PCDH15: variants seen among roughly 807,000 people sequenced by gnomAD.
PCDH15 encodes the protein protocadherin-15.
A neutral mutation model predicts 178.5 loss-of-function variants in PCDH15; 129 were observed. The ratio of observed to expected loss-of-function variants is 0.72; its 90% CI spans 0.63 to 0.84. PCDH15 has a LOEUF of 0.84. PCDH15 is among the 40% of genes least tolerant of loss of function. The pLI is 0.00. For synonymous variants in PCDH15, 800 were observed against 732.0 expected, an observed-to-expected ratio of 1.09 and a Z score of -1.50; for missense variants, 2,230 against 2,099.9, an observed-to-expected ratio of 1.06 and a Z score of -1.21.
intron 1 of PCDH15, among the ~76,000 whole-genome samples, chr10:54,793,976 T>C (rs1018364776): frequency 4.7e-5 from 7 of 148,636 alleles, no homozygotes; most frequent in Admixed American, 4.0e-4. Context: ...TTCTTTTTTT[T>C]TTCATTATAC....
At chr10:54,748,462 A>C (rs989806509) in intron 1 of PCDH15, among the ~76,000 whole-genome samples, 4 of 152,128 alleles carry the variant, frequency 2.6e-5, no homozygotes, top group African/African-American at 9.7e-5. Context: ...TTTAACAAGA[A>C]TCTGTTAAAA....
intron 1 of PCDH15, among the ~76,000 whole-genome samples, chr10:54,762,432 A>G (rs1403318584): frequency 2.6e-5 from 4 of 152,132 alleles, no homozygotes; most frequent in Non-Finnish European, 5.9e-5. Flanking sequence ...TGAAGAAAAT[A>G]AAGTGTTCTT....
At chr10:54,898,247 C>T (rs936476341) in intron 2 of PCDH15, among the ~76,000 whole-genome samples, 2 of 152,108 alleles carry the variant, frequency 1.3e-5, no homozygotes, top group African/African-American at 2.4e-5. Context: ...AATGCAAGAA[C>T]AACCTAACAC....
chr10:55,591,553 T>C (rs781258468), intron 2 of PCDH15, among the ~76,000 whole-genome samples: 8 of 152,136 alleles, frequency 5.3e-5, no homozygotes, highest in Non-Finnish European at 7.4e-5. Flanking sequence ...GGGTCAATAA[T>C]TAAACATAAT....
chr10:55,338,209 T>A (rs1004870359), intron 2 of PCDH15, among the ~76,000 whole-genome samples: 1 of 152,118 alleles, frequency 6.6e-6, no homozygotes, highest in Non-Finnish European at 1.5e-5. Flanking sequence ...TTGGTGGGAA[T>A]GTAAGTTAGT....
At chr10:55,478,294 T>C (rs1449295414) in intron 2 of PCDH15, among the ~76,000 whole-genome samples, 2 of 151,460 alleles carry the variant, frequency 1.3e-5, no homozygotes, top group Non-Finnish European at 3.0e-5. Context: ...AATATAGAAT[T>C]TAAAATGGAC....
intron 2 of PCDH15, among the ~76,000 whole-genome samples, chr10:54,653,899 C>G (rs555857279): frequency 6.6e-6 from 1 of 152,162 alleles, no homozygotes; most frequent in African/African-American, 2.4e-5. Flanking sequence ...TTTTGGGGTA[C>G]AATGTGATGT....
chr10:55,005,721 G>A (rs928252744), intron 2 of PCDH15, among the ~76,000 whole-genome samples: 2 of 151,396 alleles, frequency 1.3e-5, no homozygotes, highest in African/African-American at 4.9e-5. Context: ...ATTTTCTAAT[G>A]AACAATTATA....
At chr10:55,481,643 T>G (rs1441160578) in intron 2 of PCDH15, among the ~76,000 whole-genome samples, 2 of 151,912 alleles carry the variant, frequency 1.3e-5, no homozygotes, top group Non-Finnish European at 2.9e-5. Context: ...ATTGTATAGT[T>G]TTGAGTAAAT....
intron 15 of PCDH15, among the ~76,000 whole-genome samples, chr10:54,132,444 A>T (rs2042514537): frequency 6.6e-6 from 1 of 152,208 alleles, no homozygotes; most frequent in Non-Finnish European, 1.5e-5. Flanking sequence ...TCTCAGAATT[A>T]GAATGCCTAC....
At chr10:55,427,829 C>A (rs1228884682) in intron 2 of PCDH15, among the ~76,000 whole-genome samples, 1 of 151,976 alleles carries the variant, frequency 6.6e-6, no homozygotes, top group Non-Finnish European at 1.5e-5. Context: ...ATATCCATTT[C>A]ACAGTTTTAT....
At chr10:55,063,368 T>C (rs1227391557) in intron 2 of PCDH15, among the ~76,000 whole-genome samples, 2 of 152,128 alleles carry the variant, frequency 1.3e-5, no homozygotes, top group African/African-American at 4.8e-5. Flanking sequence ...CTCTATTTTT[T>C]CCTCTCACAT....
chr10:54,019,440 C>T (rs2092843092), intron 20 of PCDH15, among the ~76,000 whole-genome samples: 1 of 152,038 alleles, frequency 6.6e-6, no homozygotes, highest in African/African-American at 2.4e-5. Flanking sequence ...TGATGGTCCC[C>T]ATGGGACAGG....
chr10:54,846,807 T>C (rs2131759419), intron 3 of PCDH15, among the ~76,000 whole-genome samples: 1 of 152,234 alleles, frequency 6.6e-6, no homozygotes, highest in Admixed American at 6.5e-5. Flanking sequence ...TGTGAATTCA[T>C]TGCTGCCCAA....
rs1275775576 is a variant in PCDH15 at position 54,118,443 on chromosome 10, G to C, written c.1917+14432C>G. The stretch of plus-strand genomic sequence containing the variant: ...TGAGAGGCCAAGGAGGGCGGATCAC[G>C]AGGTCAGGAGATGGAGACCGTCCTG... On this transcript the variant is annotated intron_variant, in intron 15 of 37. Transcript: ENST00000644397. Among the ~76,000 whole-genome samples, 4 of 152,094 alleles carry C rather than the reference G, an allele frequency of 2.6e-5. No homozygotes were observed. In the South Asian group the frequency reaches 8.3e-4, roughly 32 times the overall value.
intron 3 of PCDH15, among the ~76,000 whole-genome samples, chr10:54,524,669 A>G (rs1362138156): frequency 1.3e-5 from 2 of 152,228 alleles, no homozygotes; most frequent in African/African-American, 4.8e-5. Flanking sequence ...TTAATTAAAC[A>G]TAGATAATGT....
intron 25 of PCDH15, among the ~76,000 whole-genome samples, chr10:53,911,634 C>A (rs1473835373): frequency 6.6e-6 from 1 of 152,076 alleles, no homozygotes; most frequent in East Asian, 1.9e-4. Flanking sequence ...CACAAAGAAC[C>A]CTTCAAAAAA....
chr10:54,437,280 T>C (rs2075486134), intron 3 of PCDH15, among the ~76,000 whole-genome samples: 1 of 152,140 alleles, frequency 6.6e-6, no homozygotes, highest in Admixed American at 6.5e-5. Context: ...TTACACTAAT[T>C]AACAACAATG....
At chr10:54,406,869 A>C (rs189750607) in intron 3 of PCDH15, among the ~76,000 whole-genome samples, 1 of 152,272 alleles carries the variant, frequency 6.6e-6, no homozygotes. Flanking sequence ...AGAAACAACC[A>C]TAAAAGACAA....
Sources: gnomAD v4.1 joint callset for allele counts (sites outside exome capture counted in the v4.1 genomes callset) on GRCh38, gnomAD v4.1.1 for gene constraint, MANE v1.5 for transcripts, NCBI Gene and HGNC (gene_info 2026-07-23, HGNC 2026-07-21) for gene names.